The following ASIC2 variants were observed in gnomAD, a reference collection of about 807,000 sequenced individuals.
ASIC2 encodes the protein acid sensing ion channel subunit 2, also known as acid-sensing ion channel 2.
In ASIC2, 25 loss-of-function variants were observed where a neutral mutation model predicts 57.3. The ratio of observed to expected loss-of-function variants is 0.44; its 90% CI spans 0.32 to 0.61. ASIC2 has a LOEUF of 0.61. Among genes scored for constraint, ASIC2 ranks in the 20% least tolerant of loss-of-function variants. The probability of loss-of-function intolerance (pLI) is 0.06; values close to 1 mark genes in which losing one functional copy is unlikely to be tolerated. For synonymous variants in ASIC2, 319 were observed against 307.5 expected (o/e 1.04, Z -0.39); for missense variants, 641 against 738.1 (o/e 0.87, Z 1.52).
At chr17:34,109,852 G>C (rs1372527701) in intron 1 of ASIC2, among the ~76,000 whole-genome samples, 1 of 152,062 alleles carries the variant, frequency 6.6e-6, no homozygotes, top group East Asian at 1.9e-4. Flanking sequence ...TCCAGGTATT[G>C]TAACACTGAA....
intron 1 of ASIC2, among the ~76,000 whole-genome samples, chr17:33,583,075 A>G (rs946722039): frequency 6.6e-6 from 1 of 152,190 alleles, no homozygotes; most frequent in Non-Finnish European, 1.5e-5. Context: ...AGGCTCATTG[A>G]AAAGGTCCAG....
intron 1 of ASIC2, among the ~76,000 whole-genome samples, chr17:33,550,310 TCA>T (rs1388040215): frequency 6.6e-6 from 1 of 152,264 alleles, no homozygotes; most frequent in Non-Finnish European, 1.5e-5. Flanking sequence ...AAGTTTGCAA[TCA>T]CAGTAACTGC....
Position 33,401,101 on chromosome 17 carries a change from A to G in ASIC2, c.556-289034T>C, listed in dbSNP as rs560501522. Among the ~76,000 whole-genome samples the G allele has an allele frequency of 7.2e-5, 11 of 152,264 alleles. No individual in the cohort carries two copies. The East Asian group carries it at 2.1e-3, about 29-fold the overall frequency. On this transcript the variant is annotated intron_variant, in intron 1 of 9. Transcript: ENST00000359872. ...TCAACACTCTAACAGAGGAGAACAC[A>G]AGGGGAATCACATGCCAGCCTTGAA... is the stretch of plus-strand genomic sequence containing the variant.
At chr17:33,134,857 T>TATTA in intron 1 of ASIC2, among the ~76,000 whole-genome samples, 1 of 152,176 alleles carries the variant, frequency 6.6e-6, no homozygotes, top group Non-Finnish European at 1.5e-5. Context: ...CAGACTCTAA[T>TATTA]AAGTTCTGTA....
chr17:33,115,945 G>A (rs574127914), intron 1 of ASIC2, among the ~76,000 whole-genome samples: 1 of 152,248 alleles, frequency 6.6e-6, no homozygotes, highest in Admixed American at 6.5e-5. Flanking sequence ...GCCTCACTTC[G>A]TTCTGGCTGG....
intron 1 of ASIC2, among the ~76,000 whole-genome samples, chr17:33,672,284 T>C (rs1038233021): frequency 6.6e-6 from 1 of 152,204 alleles, no homozygotes; most frequent in Non-Finnish European, 1.5e-5. Context: ...GTGGCTGCTC[T>C]ACTACAGACC....
chr17:33,325,501 G>A (rs1161228059), intron 1 of ASIC2, among the ~76,000 whole-genome samples: 1 of 152,156 alleles, frequency 6.6e-6, no homozygotes, highest in African/African-American at 2.4e-5. Flanking sequence ...CTGAAGGGTG[G>A]TGCATGGGGA....
At chr17:33,315,603 T>C (rs991635608) in intron 1 of ASIC2, among the ~76,000 whole-genome samples, 1 of 152,234 alleles carries the variant, frequency 6.6e-6, no homozygotes, top group East Asian at 1.9e-4. Flanking sequence ...ATTCTCATTA[T>C]CTGAGAAAGC....
intron 1 of ASIC2, among the ~76,000 whole-genome samples, chr17:33,503,871 G>A (rs939385842): frequency 6.6e-6 from 1 of 152,236 alleles, no homozygotes; most frequent in Non-Finnish European, 1.5e-5. Flanking sequence ...GATGAGGAAT[G>A]AGGAGAGACA....
chr17:33,313,256 G>A (rs1274250516), intron 1 of ASIC2, among the ~76,000 whole-genome samples: 3 of 151,694 alleles, frequency 2.0e-5, no homozygotes, highest in African/African-American at 7.3e-5. Context: ...GAGCCCAGGA[G>A]TTTGTGGTTT....
chr17:33,065,465 A>C (rs2092039925), intron 3 of ASIC2, among the ~76,000 whole-genome samples: 1 of 152,064 alleles, frequency 6.6e-6, no homozygotes, highest in African/African-American at 2.4e-5. Flanking sequence ...GCACACCACC[A>C]CATCTGGCTA....
intron 7 of ASIC2, among the ~76,000 whole-genome samples, chr17:33,018,659 G>C (rs1174094831): frequency 3.3e-5 from 5 of 152,258 alleles, no homozygotes; most frequent in Non-Finnish European, 7.3e-5. Flanking sequence ...GTGGCCACCA[G>C]CTGGTTGTGT....
At chr17:33,236,387 C>T (rs1444924831) in intron 1 of ASIC2, among the ~76,000 whole-genome samples, 3 of 152,072 alleles carry the variant, frequency 2.0e-5, no homozygotes, top group Non-Finnish European at 4.4e-5. Flanking sequence ...CTCTGTGTTG[C>T]CCAGGCTGGA....
chr17:34,006,189 G>C (rs1443721867), intron 1 of ASIC2: 2 of 152,250 alleles, frequency 1.3e-5, no homozygotes, highest in African/African-American at 4.8e-5. Context: ...TCTCTGAGGC[G>C]ATGGCATTTA....
chr17:34,118,517 C>T (rs1159218450), intron 1 of ASIC2: 1 of 152,096 alleles, frequency 6.6e-6, no homozygotes, highest in Non-Finnish European at 1.5e-5. Flanking sequence ...ATGCACTGCC[C>T]GTTAGACACA....
chr17:33,651,019 C>G (rs1906902250), intron 1 of ASIC2, among the ~76,000 whole-genome samples: 1 of 152,144 alleles, frequency 6.6e-6, no homozygotes, highest in South Asian at 2.1e-4. Context: ...TGCATTATCT[C>G]TTATTATTTC....
At chr17:33,751,566 A>G (rs890814200) in intron 1 of ASIC2, among the ~76,000 whole-genome samples, 3 of 152,128 alleles carry the variant, frequency 2.0e-5, no homozygotes, top group Non-Finnish European at 2.9e-5. Context: ...TTGAATTCCA[A>G]ATCCATTGAT....
intron 1 of ASIC2, among the ~76,000 whole-genome samples, chr17:34,097,324 G>GA (rs1450637924): frequency 1.3e-5 from 2 of 152,068 alleles, no homozygotes; most frequent in Non-Finnish European, 2.9e-5. Context: ...TAGGATGCAG[G>GA]AAGAGTAGTT....
intron 1 of ASIC2, among the ~76,000 whole-genome samples, chr17:33,558,326 G>A (rs1044488581): frequency 2.0e-5 from 3 of 152,264 alleles, no homozygotes; most frequent in African/African-American, 7.2e-5. Flanking sequence ...GGATGATATG[G>A]CATAAATATT....
Sources: allele counts gnomAD v4.1 joint callset (sites outside exome capture counted in the v4.1 genomes callset), GRCh38; gene constraint gnomAD v4.1.1; transcripts MANE v1.5; gene names NCBI Gene and HGNC (gene_info 2026-07-23, HGNC 2026-07-21).